CATSPERB: variants seen among roughly 807,000 people sequenced by gnomAD.
CATSPERB encodes catsper channel auxiliary subunit beta, also known as cation channel sperm-associated auxiliary subunit beta.
CATSPERB carries 93 observed loss-of-function variants against 128.3 expected under a neutral mutation model. That is an observed-to-expected ratio of 0.72 (90% CI 0.61 to 0.86). The LOEUF is 0.86. CATSPERB is among the 40% of genes least tolerant of loss of function. The pLI is 0.00. For missense variants in CATSPERB, 1,153 were observed against 1,329.5 expected, an observed-to-expected ratio of 0.87 and a Z score of 2.06; for synonymous variants, 381 against 448.8, an observed-to-expected ratio of 0.85 and a Z score of 1.91.
At chr14:91,691,355 T>A (rs1260284057) in intron 10 of CATSPERB, among the ~76,000 whole-genome samples, 168 bp downstream of exon 10, 1 of 152,092 alleles carries the variant, frequency 6.6e-6, no homozygotes, top group Non-Finnish European at 1.5e-5. Context: ...GTATAAATAA[T>A]ATATGCTACA....
At chr14:91,638,786 G>A (rs569771244) in intron 16 of CATSPERB, among the ~76,000 whole-genome samples, 2 of 152,280 alleles carry the variant, frequency 1.3e-5, no homozygotes, top group South Asian at 4.2e-4. Flanking sequence ...CTTGGCCTGG[G>A]TTGGGAGTAA....
At chr14:91,647,121 G>A (rs577381781) in intron 15 of CATSPERB, among the ~76,000 whole-genome samples, 7 of 152,278 alleles carry the variant, frequency 4.6e-5, no homozygotes, top group African/African-American at 1.7e-4. Context: ...GCAAATCAGG[G>A]CTGCAAATCT....
chr14:91,600,718 C>T (rs1893595027), intron 22 of CATSPERB, among the ~76,000 whole-genome samples: 2 of 152,138 alleles, frequency 1.3e-5, no homozygotes, highest in Non-Finnish European at 2.9e-5. Flanking sequence ...ACCTGCAAAT[C>T]CTGCATGTTC....
chr14:91,694,465 A>C (rs1045666935), intron 7 of CATSPERB, among the ~76,000 whole-genome samples: 10 of 143,320 alleles, frequency 7.0e-5, no homozygotes, highest in Non-Finnish European at 1.2e-4. Flanking sequence ...AAAAAAAAAA[A>C]AGAAATCTGT....
chr14:91,714,697 T>C (rs931726970), intron 5 of CATSPERB, among the ~76,000 whole-genome samples: 5 of 151,780 alleles, frequency 3.3e-5, no homozygotes, highest in African/African-American at 1.2e-4. Flanking sequence ...GTAGTTGAGA[T>C]TACAGGTGCC....
At position 91,693,420 on chromosome 14, in the gene CATSPERB, TA is replaced by T. The variant is rs769975870; in HGVS notation, c.675del (p.Phe225LeufsTer3). On this transcript the variant is annotated frameshift_variant, in exon 8 of 27. Transcript: ENST00000256343. LOFTEE classifies it high-confidence loss of function. ...TGGGAATAGATAGTCTGTGTCATGT[TA>T]AACCATGTGGTATCATAATCATGCC... ...GFWHDYDTTW[F>X]NMTQTIYSQL... The T allele has an allele frequency of 6.2e-7, 1 of 1,614,116 alleles. No homozygotes were observed. Among genetic ancestry groups the T allele is most frequent in the East Asian group, 2.2e-5 (1 of 44,878 alleles).
intron 14 of CATSPERB, among the ~76,000 whole-genome samples, chr14:91,666,574 C>G (rs1894987218): frequency 6.6e-6 from 1 of 152,160 alleles, no homozygotes; most frequent in South Asian, 2.1e-4. Flanking sequence ...AGTGGCATAC[C>G]TAAGTAAAGA....
intron 14 of CATSPERB, among the ~76,000 whole-genome samples, chr14:91,664,141 C>T (rs558286062): frequency 3.7e-4 from 57 of 152,028 alleles, no homozygotes; most frequent in African/African-American, 1.3e-3. Context: ...CACGGATCTT[C>T]TTGCTGTCTC....
At chr14:91,581,869 G>A (rs1893211934) in intron 26 of CATSPERB, among the ~76,000 whole-genome samples, 1 of 152,048 alleles carries the variant, frequency 6.6e-6, no homozygotes, top group African/African-American at 2.4e-5. Context: ...GGAGAAGAAC[G>A]TGCTGATGAA....
Position 91,672,868 on chromosome 14 carries a change from T to G in CATSPERB, c.1127A>C (p.Lys376Thr), listed in dbSNP as rs527379796. Residue 376 changes from lysine (K) to threonine (T), a missense_variant and splice_region_variant, in exon 13 of 27, where the codon AAG becomes ACG. Coordinates refer to ENST00000256343, the MANE Select transcript of CATSPERB (RefSeq NM_024764.4). Reference protein sequence around the residue: ...RGTGVYLFYNKVRKTAIASVS... With the variant: ...RGTGVYLFYNTVRKTAIASVS... ...TTCCCTCTGGGATATAAGGCCTACCTTGTTATAGAAGAGGTAAACTCCAGT... is the reference window on the plus strand; with the variant it reads ...TTCCCTCTGGGATATAAGGCCTACCGTGTTATAGAAGAGGTAAACTCCAGT... 5 of 1,558,656 alleles carry G rather than the reference T, an allele frequency of 3.2e-6. No homozygotes were observed. The South Asian group carries it at 3.7e-5, about 12-fold the overall frequency.
In CATSPERB at chr14:91,610,763, C is replaced by T. The variant is rs1893810787; in HGVS notation, c.2401-86G>A. 6.5e-6 allele frequency: 8 copies of T among 1,234,650 alleles called. No individual in the cohort carries two copies. The Admixed American group carries it at 1.7e-4, about 26-fold the overall frequency. 76.5% of individuals were successfully genotyped at this position (1,234,650 alleles called of 1,614,324 possible). ...CAACCAAAAATCACATGTTGAAACC[C>T]CAACCTCCAGTATCTCAAAATGTGG... is the stretch of plus-strand genomic sequence containing the variant. On this transcript the variant is annotated intron_variant, in intron 20 of 26. Transcript: ENST00000256343.
rs183890452 is a variant in CATSPERB, at chr14:91,658,143, C to T, written c.1432+1694G>A. Among the ~76,000 whole-genome samples the T allele has an allele frequency of 1.3e-3, 192 of 152,166 alleles. 1 individual carries two copies. The highest frequency in any genetic ancestry group is 3.9e-3 in the East Asian group (20 of 5,186). On this transcript the variant is annotated intron_variant, in intron 15 of 26. Transcript: ENST00000256343. ...CTTTGGAAGCAGCCTAAGTGTCCAT[C>T]AACAGATGAATGAATAAAGAAAATA...
chr14:91,703,898 A>T (rs1388282530), intron 7 of CATSPERB, among the ~76,000 whole-genome samples: 1 of 152,220 alleles, frequency 6.6e-6, no homozygotes, highest in Admixed American at 6.5e-5. Flanking sequence ...AGTTGATTAG[A>T]ACTACAACCT....
At chr14:91,724,970 A>C (rs2139782167) in intron 3 of CATSPERB, 110 bp downstream of exon 3, 1 of 442,490 alleles carries the variant, frequency 2.3e-6, no homozygotes, top group East Asian at 3.6e-5. Context: ...TTCCCTCCCC[A>C]AGACTGAACA....
intron 5 of CATSPERB, among the ~76,000 whole-genome samples, chr14:91,716,712 TACACACACACAC>T (rs34934524): frequency 2.9e-5 from 4 of 137,628 alleles, no homozygotes; most frequent in Admixed American, 7.2e-5. Flanking sequence ...TTTACAAGCA[TACACACACACAC>T]ACACACACAC....
intron 26 of CATSPERB, among the ~76,000 whole-genome samples, chr14:91,581,935 C>A (rs1893213129): frequency 6.6e-6 from 1 of 152,208 alleles, no homozygotes; most frequent in South Asian, 2.1e-4. Context: ...AAAAGGATGA[C>A]AGGCTGCTTT....
At chr14:91,698,753 T>A (rs1437629486) in intron 7 of CATSPERB, among the ~76,000 whole-genome samples, 1 of 152,216 alleles carries the variant, frequency 6.6e-6, no homozygotes, top group African/African-American at 2.4e-5. Flanking sequence ...TTTTGTTACA[T>A]GGATGAATTA....
chr14:91,730,608 C>A (rs1896195286), intron 1 of CATSPERB, among the ~76,000 whole-genome samples: 1 of 152,128 alleles, frequency 6.6e-6, no homozygotes, highest in South Asian at 2.1e-4. Flanking sequence ...ACTGCTTTTG[C>A]TATTAGTAAT....
At chr14:91,728,921 A>C (rs1377310952) in intron 2 of CATSPERB, among the ~76,000 whole-genome samples, 3 of 152,206 alleles carry the variant, frequency 2.0e-5, no homozygotes, top group Non-Finnish European at 2.9e-5. Context: ...TTTTTCTGTG[A>C]TCTCACTTTC....
Sources: allele counts gnomAD v4.1 joint callset (sites outside exome capture counted in the v4.1 genomes callset), GRCh38; gene constraint gnomAD v4.1.1; transcripts MANE v1.5; gene names NCBI Gene and HGNC (gene_info 2026-07-23, HGNC 2026-07-21).